Variants in BRD8 observed in about 807,000 individuals in gnomAD.
BRD8 encodes the protein bromodomain-containing protein 8.
A neutral mutation model predicts 143.1 loss-of-function variants in BRD8; 67 were observed. That is an observed-to-expected ratio of 0.47 (90% CI 0.38 to 0.57). The LOEUF (loss-of-function observed/expected upper bound fraction) is 0.57. Among genes scored for constraint, BRD8 ranks in the 20% least tolerant of loss-of-function variants. The pLI, the probability that BRD8 is intolerant of heterozygous loss-of-function variation, is 0.00. For synonymous variants in BRD8, 505 were observed against 517.1 expected, an observed-to-expected ratio of 0.98 and a Z score of 0.32; for missense variants, 1,103 against 1,503.0, an observed-to-expected ratio of 0.73 and a Z score of 4.40.
At position 138,149,747 on chromosome 5, in the gene BRD8, C is replaced by T; in HGVS notation, c.3171G>A (p.Val1057=). 6.2e-7 allele frequency: 1 copy of T among 1,613,604 alleles called. No homozygotes were observed. The highest frequency in any genetic ancestry group is 8.5e-7 in the Non-Finnish European group (1 of 1,179,812). ...SKGEDQGEVY[V]SEMEDQPPSG... ...AAGGGGGCTGGTCTTCCATCTCTGA[C>T]ACATATACTTCACCCTGGTCCTCCC... The change falls in exon 23 of 27, where the codon GTG becomes GTA. Residue 1057 remains valine, a synonymous_variant. Coordinates refer to ENST00000254900, the MANE Select transcript of BRD8 (RefSeq NM_139199.2).
At chr5:138,142,655 C>A (rs1751955749) in intron 25 of BRD8, among the ~76,000 whole-genome samples, 1 of 150,546 alleles carries the variant, frequency 6.6e-6, no homozygotes, top group African/African-American at 2.4e-5. Flanking sequence ...TCCAGCTACT[C>A]AGGAGGCTGA....
At chr5:138,159,466 G>C in intron 20 of BRD8, 89 bp downstream of exon 20, 2 of 1,351,678 alleles carry the variant, frequency 1.5e-6, no homozygotes, top group Middle Eastern at 3.6e-4. Context: ...GCCACAGTCT[G>C]CATGTTGGAT....
chr5:138,149,520 A>AT (rs1264293872), intron 23 of BRD8, 120 bp downstream of exon 23: 4 of 806,934 alleles, frequency 5.0e-6, no homozygotes, highest in South Asian at 2.9e-5. Context: ...AATTAATTAT[A>AT]TTTTTTGTGT....
At chr5:138,159,621 C>A in intron 19 of BRD8, 22 bp from the exon 20 acceptor site, 2 of 1,613,114 alleles carry the variant, frequency 1.2e-6, no homozygotes, top group Non-Finnish European at 1.7e-6. Context: ...CAAACAAACA[C>A]TGATCAGGTT....
chr5:138,171,266 A>C lies in BRD8; in HGVS notation c.236+95T>G, dbSNP rs527424546. The C allele has an allele frequency of 3.5e-6, 5 of 1,412,104 alleles. No homozygotes were observed. The East Asian group carries it at 9.1e-5, about 26-fold the overall frequency. 87.5% of individuals were successfully genotyped at this position (1,412,104 alleles called of 1,614,324 possible). A position where few individuals can be genotyped will look rare whatever the true frequency, so the allele number is the denominator to read the frequency against. ...TCATAGATAACTTCTGCTATTTTTT[A>C]ATCATCCAGTATCATAACTAAGTAT... On this transcript the variant is annotated intron_variant, in intron 4 of 26. Coordinates refer to ENST00000254900, the MANE Select transcript of BRD8 (RefSeq NM_139199.2).
At chr5:138,157,357 G>C (rs1020902813) in intron 20 of BRD8, 43 of 1,541,274 alleles carry the variant, frequency 2.8e-5, no homozygotes, top group Middle Eastern at 1.8e-4. Flanking sequence ...TGGTTTCTTG[G>C]GGGAGAGGGA....
In BRD8 at chr5:138,161,811, T is replaced by A. The variant is rs1753019952; in HGVS notation, c.2234A>T (p.His745Leu). ...PVTDDIAPGYHSIVQRPMDLS... is the reference protein window; with the variant it reads ...PVTDDIAPGYLSIVQRPMDLS... The stretch of plus-strand genomic sequence containing the variant: ...CATGGCTCACCTCTGCACAATGCTG[T>A]GGTAGCCAGGTGCTATGTCATCTGT... Residue 745 changes from histidine (H) to leucine (L), a missense_variant, in exon 17 of 27, where the codon CAC (histidine) becomes CTC (leucine). By Grantham distance (99) the His-to-Leu change is moderately conservative (BLOSUM62 -3). Transcript: ENST00000254900. The A allele has an allele frequency of 1.2e-6, 2 of 1,613,996 alleles. No homozygotes were observed. The highest frequency in any genetic ancestry group is 1.3e-5 in the African/African-American group (1 of 74,928).
At chr5:138,147,706 G>A (rs1752209625) in intron 23 of BRD8, among the ~76,000 whole-genome samples, 2 of 152,174 alleles carry the variant, frequency 1.3e-5, no homozygotes, top group African/African-American at 2.4e-5. Context: ...GGAGGCCAAG[G>A]CAGGGGATCG....
chr5:138,139,898 CCT>C lies in BRD8; in HGVS notation c.*174_*175del, dbSNP rs1751837133. ...GGCATAAATCCAAACCTCAGCTTCCCCTTTTTTTCTTTATATTATGTCCACAT... is the reference window on the plus strand; with the variant it reads ...GGCATAAATCCAAACCTCAGCTTCCCTTTTTTCTTTATATTATGTCCACAT... On this transcript the variant is annotated 3_prime_UTR_variant, in exon 27 of 27. Coordinates refer to ENST00000254900, the MANE Select transcript of BRD8 (RefSeq NM_139199.2). The C allele has an allele frequency of 3.6e-6, 2 of 557,108 alleles. No individual in the cohort carries two copies. The highest frequency in any genetic ancestry group is 6.4e-6 in the Non-Finnish European group (2 of 314,802). The allele number at this position is 557,108 out of a possible 1,614,324, so 34.5% of individuals were successfully genotyped here.
At chr5:138,155,320 A>C (rs963176305) in intron 20 of BRD8, among the ~76,000 whole-genome samples, 8 of 151,246 alleles carry the variant, frequency 5.3e-5, no homozygotes, top group East Asian at 2.1e-4. Flanking sequence ...TTGGTGGTGC[A>C]TGCCTGTGAT....
intron 21 of BRD8, among the ~76,000 whole-genome samples, chr5:138,151,452 C>A (rs557307043): frequency 6.6e-6 from 1 of 152,208 alleles, no homozygotes; most frequent in Non-Finnish European, 1.5e-5. Flanking sequence ...CTGTTTATTT[C>A]TGGTCCTCAG....
At chr5:138,151,368 G>A (rs1752361060) in intron 21 of BRD8, among the ~76,000 whole-genome samples, 1 of 152,212 alleles carries the variant, frequency 6.6e-6, no homozygotes, top group Non-Finnish European at 1.5e-5. Flanking sequence ...ATTTGAAATG[G>A]ATGCTTGCTG....
In BRD8 at chr5:138,139,904, T is replaced by C. The variant is rs1561595100; in HGVS notation, c.*170A>G. ...AATCCAAACCTCAGCTTCCCCTTTT[T>C]TTCTTTATATTATGTCCACATGCAT... On this transcript the variant is annotated 3_prime_UTR_variant, in exon 27 of 27. Coordinates refer to ENST00000254900, the MANE Select transcript of BRD8 (RefSeq NM_139199.2). The C allele has an allele frequency of 3.5e-6, 2 of 563,682 alleles. No homozygotes were observed. Among genetic ancestry groups the C allele is most frequent in the Non-Finnish European group, 3.1e-6 (1 of 318,928 alleles). 34.9% of individuals were successfully genotyped at this position (563,682 alleles called of 1,614,324 possible).
At chr5:138,158,431 ACTTTTTTTTTT>A (rs1008045878) in intron 20 of BRD8, among the ~76,000 whole-genome samples, 21 of 151,686 alleles carry the variant, frequency 1.4e-4, no homozygotes, top group Non-Finnish European at 3.1e-4. Flanking sequence ...TGCAGTGGTC[ACTTTTTTTTTT>A]CTTTTTTTTG....
intron 8 of BRD8, chr5:138,168,615 G>C: frequency 6.2e-7 from 1 of 1,605,394 alleles, no homozygotes; most frequent in African/African-American, 1.3e-5. Context: ...TAAGGGTGCA[G>C]AGCCTGGAGG....
chr5:138,178,098 G>A (rs1754508914), intron 1 of BRD8, among the ~76,000 whole-genome samples: 2 of 152,076 alleles, frequency 1.3e-5, no homozygotes, highest in African/African-American at 2.4e-5. Context: ...ACTTCTCTCA[G>A]ATCCTCTACT....
Position 138,149,623 on chromosome 5 carries a change from T to G in BRD8, c.3278+17A>C. 1 of 1,563,764 alleles carries G rather than the reference T, an allele frequency of 6.4e-7. No homozygotes were observed. The highest frequency in any genetic ancestry group is 8.6e-7 in the Non-Finnish European group (1 of 1,157,642). On this transcript the variant is annotated intron_variant, in intron 23 of 26. Transcript: ENST00000254900. ...AAGTACGAATCTTAACAAACTTGGA[T>G]GAAAGTCTACGCTTACAGCTTTGAG...
At position 138,161,825 on chromosome 5, in the gene BRD8, T is replaced by C; in HGVS notation, c.2220A>G (p.Ile740Met). 1 of 1,614,180 alleles carries C rather than the reference T, an allele frequency of 6.2e-7. No individual in the cohort carries two copies. The highest frequency in any genetic ancestry group is 8.5e-7 in the Non-Finnish European group (1 of 1,180,022). The stretch of plus-strand genomic sequence containing the variant: ...GCACAATGCTGTGGTAGCCAGGTGC[T>C]ATGTCATCTGTAACAGGCTGCAGGA... ...NVFLQPVTDDIAPGYHSIVQR... is the reference protein window; with the variant it reads ...NVFLQPVTDDMAPGYHSIVQR... The change falls in exon 17 of 27, where the codon ATA becomes ATG. Residue 740 changes from isoleucine to methionine, a missense_variant. Transcript: ENST00000254900.
intron 25 of BRD8, among the ~76,000 whole-genome samples, chr5:138,144,757 C>T (rs967559829): frequency 3.3e-5 from 5 of 151,844 alleles, no homozygotes; most frequent in Non-Finnish European, 7.4e-5. Context: ...CAAATATTAG[C>T]CGGACGTGAT....
Sources: allele counts gnomAD v4.1 joint callset (sites outside exome capture counted in the v4.1 genomes callset), GRCh38; gene constraint gnomAD v4.1.1; transcripts MANE v1.5; gene names NCBI Gene and HGNC (gene_info 2026-07-23, HGNC 2026-07-21).